The following FKBP11 variants were observed in gnomAD, a reference collection of about 807,000 sequenced individuals.
FKBP11 encodes FKBP prolyl isomerase 11, also known as peptidyl-prolyl cis-trans isomerase FKBP11.
Under a neutral mutation model 24.7 loss-of-function variants are expected in FKBP11, and 21 were observed. The observed-to-expected ratio is 0.85, with a 90% CI of 0.60 to 1.23. The LOEUF (loss-of-function observed/expected upper bound fraction) is 1.23. FKBP11 is among the 50% of genes most tolerant of loss of function. FKBP11 has a pLI of 0.00. For missense variants in FKBP11, 245 were observed against 248.7 expected, an observed-to-expected ratio of 0.99 and a Z score of 0.10; for synonymous variants, 106 against 100.6, an observed-to-expected ratio of 1.05 and a Z score of -0.32.
the FKBP11 span, among the ~76,000 whole-genome samples, chr12:48,934,210 C>T: frequency 6.6e-6 from 1 of 152,316 alleles, no homozygotes; most frequent in South Asian, 2.1e-4. Flanking sequence ...GAAACCCACA[C>T]ATACATTCAT....
chr12:48,925,226 T>C (rs1939935165), intron 1 of FKBP11, 74 bp downstream of exon 1: 1 of 1,588,662 alleles, frequency 6.3e-7, no homozygotes, highest in Non-Finnish European at 8.6e-7. Flanking sequence ...GGCTCCCAGG[T>C]TCGCTGAGAC....
chr12:48,925,188 A>G (rs767816046), intron 1 of FKBP11, 77 bp from the exon 2 acceptor site: 6 of 1,588,616 alleles, frequency 3.8e-6, no homozygotes, highest in Non-Finnish European at 5.1e-6. Context: ...ACCACCCCCA[A>G]CTCAGTTCCC....
At chr12:48,924,694 T>A in intron 2 of FKBP11, 46 bp from the exon 3 acceptor site, 1 of 1,599,612 alleles carries the variant, frequency 6.3e-7, no homozygotes, top group Non-Finnish European at 8.6e-7. Context: ...ACCCTCTCCC[T>A]CCCAGCAGGC....
chr12:48,923,722 C>CT, intron 5 of FKBP11, 60 bp downstream of exon 5: 2 of 1,588,776 alleles, frequency 1.3e-6, no homozygotes, highest in Non-Finnish European at 1.7e-6. Flanking sequence ...TATATAGCTC[C>CT]TTATAGCTCT....
chr12:48,930,145 T>C (rs1017054439), upstream of FKBP11, among the ~76,000 whole-genome samples: 2 of 152,230 alleles, frequency 1.3e-5, no homozygotes, highest in African/African-American at 2.4e-5. Flanking sequence ...GAAGAAATTA[T>C]ACTATGAAAT....
rs1565700266 is a variant in FKBP11 at position 48,923,836 on chromosome 12, TTGCCCTTCGCTTCTCTC to T, written c.318-1_333del. On this transcript the variant is annotated splice_acceptor_variant and coding_sequence_variant, in exon 5 of 6. Coordinates refer to ENST00000550765, the MANE Select transcript of FKBP11 (RefSeq NM_016594.3). LOFTEE classifies it high-confidence loss of function. ...CCATAGGCCAAGTGAGAAGGAATGA[TTGCCCTTCGCTTCTCTC>T]TGAGGGAAGGAATGTCAGTCACAGC... The T allele has an allele frequency of 6.2e-7, 1 of 1,614,004 alleles. No homozygotes were observed. The highest frequency in any genetic ancestry group is 8.5e-7 in the Non-Finnish European group (1 of 1,179,904).
At chr12:48,925,533 G>A, upstream of FKBP11, 11 of 1,383,388 alleles carry the variant, frequency 8.0e-6, no homozygotes, top group Non-Finnish European at 1.1e-5. Context: ...ACGGGACGGG[G>A]CGGGTCGCGA....
chr12:48,925,319 G>A lies in FKBP11; in HGVS notation c.110C>T (p.Thr37Ile). 2.5e-6 allele frequency: 4 copies of A among 1,611,822 alleles called. No homozygotes were observed. The highest frequency in any genetic ancestry group is 3.4e-6 in the Non-Finnish European group (4 of 1,179,452). Residue 37 changes from threonine (T) to isoleucine (I), a missense_variant, in exon 1 of 6, where the codon ACC (threonine) becomes ATC (isoleucine). Physicochemically the swap from Thr to Ile is moderately conservative, Grantham distance 89. Transcript: ENST00000550765. Reference sequence around the variant, plus strand: ...CCTCACCAGGGTCTCCACTTGGAGGGTCCGGACGGGACTTTCGGTTTCGAG... The same window carrying A: ...CCTCACCAGGGTCTCCACTTGGAGGATCCGGACGGGACTTTCGGTTTCGAG... ...AGLETESPVR[T>I]LQVETLVEPP...
At chr12:48,939,031 G>A in the FKBP11 span, 1 of 1,613,914 alleles carries the variant, frequency 6.2e-7, no homozygotes, top group South Asian at 1.1e-5. This position sits in a 1 kb window ranked among gnomAD's most constrained non-coding sequence, Gnocchi z 4.8. Flanking sequence ...TGGCCTGAAT[G>A]TACCAGTTAC....
the FKBP11 span, among the ~76,000 whole-genome samples, chr12:48,932,261 A>ATTTT: frequency 3.3e-5 from 1 of 30,506 alleles, no homozygotes; most frequent in African/African-American, 1.6e-4. Flanking sequence ...ATATATATAT[A>ATTTT]TTTTTTTTTT....
In FKBP11 at chr12:48,923,246, C is replaced by T. The variant is rs1939877044; in HGVS notation, c.388+536G>A. On this transcript the variant is annotated intron_variant, in intron 5 of 5. Coordinates refer to ENST00000550765, the MANE Select transcript of FKBP11 (RefSeq NM_016594.3). ...AGAACTGAAAGCAAAAGATATGCAT[C>T]TTGGGAAATCTGTCCATCTCAACCC... The T allele has an allele frequency of 3.3e-5, 44 of 1,338,936 alleles. No individual in the cohort carries two copies. The South Asian group carries it at 6.4e-4, about 20-fold the overall frequency. The allele number at this position is 1,338,936 out of a possible 1,614,324, so 82.9% of individuals were successfully genotyped here. A position where few individuals can be genotyped will look rare whatever the true frequency, so the allele number is the denominator to read the frequency against.
intron 5 of FKBP11, 66 bp from the exon 6 acceptor site, chr12:48,922,267 T>G (rs1161450311): frequency 2.0e-6 from 3 of 1,466,176 alleles, no homozygotes; most frequent in African/African-American, 2.8e-5. Flanking sequence ...AGAATCTGAA[T>G]GAAAATAGGG....
chr12:48,933,686 G>T, the FKBP11 span, among the ~76,000 whole-genome samples: 7 of 145,190 alleles, frequency 4.8e-5, no homozygotes, highest in Non-Finnish European at 7.6e-5. Flanking sequence ...GGGCAAGAGT[G>T]AGACTCCGTC....
the FKBP11 span, chr12:48,936,924 G>A: frequency 1.3e-5 from 2 of 152,192 alleles, no homozygotes; most frequent in African/African-American, 4.8e-5. Context: ...CAAATAAAAA[G>A]TATGGAGGGA....
intron 5 of FKBP11, chr12:48,923,196 C>A: frequency 8.2e-7 from 1 of 1,220,158 alleles, no homozygotes; most frequent in South Asian, 1.8e-5. Context: ...GAGTACAACA[C>A]ATTTTAGCTA....
At chr12:48,932,259 ATAT>A in the FKBP11 span, among the ~76,000 whole-genome samples, 1 of 28,796 alleles carries the variant, frequency 3.5e-5, no homozygotes, top group African/African-American at 1.3e-4. Context: ...ATATATATAT[ATAT>A]TTTTTTTTTT....
chr12:48,928,818 C>T (rs1250747015), upstream of FKBP11, among the ~76,000 whole-genome samples: 42 of 94,238 alleles, frequency 4.5e-4, no homozygotes, highest in Non-Finnish European at 7.1e-4. Context: ...AAACTTCTAT[C>T]TTTTTTTTTT....
intron 2 of FKBP11, 187 bp from the exon 3 acceptor site, chr12:48,924,835 C>T (rs117305733): frequency 0.016 from 23,294 of 1,446,370 alleles, 269 homozygotes; most frequent in Non-Finnish European, 0.018. Context: ...CCACCCTGCA[C>T]TTCTCCGTGC....
chr12:48,931,397 C>T, upstream of FKBP11: 1 of 1,535,228 alleles, frequency 6.5e-7, no homozygotes, highest in Non-Finnish European at 8.7e-7. Context: ...CTATTAAACA[C>T]AATATCCACC....
Sources: allele counts gnomAD v4.1 joint callset (sites outside exome capture counted in the v4.1 genomes callset), GRCh38; gene constraint gnomAD v4.1.1; non-coding constraint Gnocchi (gnomAD v3.1); transcripts MANE v1.5; gene names NCBI Gene and HGNC (gene_info 2026-07-23, HGNC 2026-07-21).